Variants in JMJD1C observed in about 807,000 individuals in gnomAD.
JMJD1C encodes jumonji domain-containing protein 1C.
Under a neutral mutation model 245.3 loss-of-function variants are expected in JMJD1C, and 31 were observed. The observed-to-expected ratio is 0.13, with a 90% CI of 0.09 to 0.17. The LOEUF (loss-of-function observed/expected upper bound fraction) is 0.17. Among genes scored for constraint, JMJD1C ranks in the 10% least tolerant of loss-of-function variants. The pLI is 1.00. For synonymous variants in JMJD1C, 1,057 were observed against 1,017.4 expected (o/e 1.04, Z -0.74); for missense variants, 2,691 against 3,000.2 (o/e 0.90, Z 2.41).
At chr10:63,387,628 A>AT (rs1564863555) in intron 1 of JMJD1C, among the ~76,000 whole-genome samples, 10 of 18,596 alleles carry the variant, frequency 5.4e-4, no homozygotes, top group African/African-American at 1.0e-3. Flanking sequence ...AGAAAAAAAA[A>AT]ATTTTTTTTT....
intron 3 of JMJD1C, among the ~76,000 whole-genome samples, chr10:63,258,514 C>G (rs190858398): frequency 6.6e-6 from 1 of 152,162 alleles, no homozygotes; most frequent in Non-Finnish European, 1.5e-5. Context: ...TTCATAAACT[C>G]TCTTCTTTAG....
chr10:63,168,737 T>G (rs1255529941), intron 24 of JMJD1C, among the ~76,000 whole-genome samples, 171 bp from the exon 25 acceptor site: 2 of 152,240 alleles, frequency 1.3e-5, no homozygotes, highest in Non-Finnish European at 2.9e-5. Context: ...GAAAGTTATG[T>G]CACTGAAAAG....
chr10:63,296,814 T>C (rs1266108537), intron 2 of JMJD1C, among the ~76,000 whole-genome samples: 2 of 152,242 alleles, frequency 1.3e-5, no homozygotes, highest in Non-Finnish European at 2.9e-5. Context: ...AGATAGTCTC[T>C]CCTGGTTGAC....
intron 13 of JMJD1C, among the ~76,000 whole-genome samples, chr10:63,195,951 C>T (rs969292468): frequency 1.2e-4 from 18 of 145,342 alleles, no homozygotes; most frequent in African/African-American, 4.1e-4. Flanking sequence ...AAGAATGATA[C>T]GGTAACAAGA....
chr10:63,517,184 G>A (rs901993872), intron 1 of JMJD1C, among the ~76,000 whole-genome samples: 1 of 152,116 alleles, frequency 6.6e-6, no homozygotes, highest in Non-Finnish European at 1.5e-5. Flanking sequence ...AATAATTACA[G>A]CGATCAGACA....
chr10:63,225,651 G>A (rs1179172595), intron 3 of JMJD1C, among the ~76,000 whole-genome samples: 2 of 151,878 alleles, frequency 1.3e-5, no homozygotes, highest in East Asian at 1.9e-4. Flanking sequence ...AGTGACACAC[G>A]CTTGTGAATC....
chr10:63,386,204 T>G (rs923566140), intron 1 of JMJD1C, among the ~76,000 whole-genome samples: 1 of 152,124 alleles, frequency 6.6e-6, no homozygotes, highest in Admixed American at 6.5e-5. Context: ...GTGGGGTAAC[T>G]AGGCATTTTC....
rs758719513 is a variant in JMJD1C, at chr10:63,191,011, C to G, written c.6174G>C (p.Gln2058His). 1 of 1,614,132 alleles carries G rather than the reference C, an allele frequency of 6.2e-7. No individual in the cohort carries two copies. The highest frequency in any genetic ancestry group is 1.7e-5 in the Admixed American group (1 of 60,022). Residue 2058 changes from glutamine to histidine, a missense_variant, in exon 17 of 26, where the codon CAG (glutamine) becomes CAC (histidine). Around this residue, in one of 9 missense-constraint regions of JMJD1C, gnomAD observed 275 missense variants for 285.5 expected, o/e 0.96. Transcript: ENST00000399262. ...PNGRTSPLVSQNNEQGSTLRD... is the reference protein window; with the variant it reads ...PNGRTSPLVSHNNEQGSTLRD... ...GTAAGGTTGAGCCTTGTTCATTATT[C>G]TGGGACACAAGAGGTGATGTTCTGC...
chr10:63,357,822 G>GACACACACACACAC (rs1344672220), intron 2 of JMJD1C, among the ~76,000 whole-genome samples: 1 of 70,758 alleles, frequency 1.4e-5, no homozygotes, highest in East Asian at 5.1e-4. Flanking sequence ...GACACAGACA[G>GACACACACACACAC]ACAGACACAC....
At chr10:63,448,358 T>A (rs771268278) in intron 1 of JMJD1C, among the ~76,000 whole-genome samples, 30 of 152,120 alleles carry the variant, frequency 2.0e-4, no homozygotes, top group Non-Finnish European at 8.8e-5. Context: ...GGTTTCATCA[T>A]GTTGGCCAGG....
Position 63,507,866 on chromosome 10 carries a change from T to A in JMJD1C, n.113+13872A>T, listed in dbSNP as rs1954769594. Reference sequence around the variant, plus strand: ...CACGTGTTTACCTGCCATCTACAAATCTTCTTTGGTGAGGCGTCTGTTAAG... The same window carrying A: ...CACGTGTTTACCTGCCATCTACAAAACTTCTTTGGTGAGGCGTCTGTTAAG... On this transcript the variant is annotated intron_variant and non_coding_transcript_variant, in intron 1 of 3. Coordinates refer to the JMJD1C transcript ENST00000633035. Among the ~76,000 whole-genome samples the A allele has an allele frequency of 2.0e-5, 3 of 152,172 alleles. No homozygotes were observed. The East Asian group carries it at 5.8e-4, about 29-fold the overall frequency.
At chr10:63,370,518 CCA>C (rs1214285249) in intron 2 of JMJD1C, among the ~76,000 whole-genome samples, 1 of 152,150 alleles carries the variant, frequency 6.6e-6, no homozygotes, top group Non-Finnish European at 1.5e-5. Context: ...AAGAAATATG[CCA>C]CAAAGTCTAT....
intron 1 of JMJD1C, among the ~76,000 whole-genome samples, chr10:63,400,573 C>A (rs1165233038): frequency 6.6e-6 from 1 of 152,022 alleles, no homozygotes; most frequent in East Asian, 1.9e-4. Context: ...TGCCTTTCCC[C>A]CGGCCCCGAG....
At chr10:63,420,283 T>C (rs1195816219) in intron 1 of JMJD1C, among the ~76,000 whole-genome samples, 1 of 152,116 alleles carries the variant, frequency 6.6e-6, no homozygotes, top group Non-Finnish European at 1.5e-5. Flanking sequence ...CAACAAAATT[T>C]GTAAGTATTT....
Position 63,215,161 on chromosome 10 carries a change from TAAAG to T in JMJD1C, c.1016-14_1016-11del, listed in dbSNP as rs941978916. ...TTACCTTTAGGATTTTCTGTAGGAT[TAAAG>T]AAAGAAGAGTCTTATTTTTCATACT... is the stretch of plus-strand genomic sequence containing the variant. On this transcript the variant is annotated splice_polypyrimidine_tract_variant and intron_variant, in intron 7 of 25. Coordinates refer to ENST00000399262, the MANE Select transcript of JMJD1C (RefSeq NM_032776.3). The T allele has an allele frequency of 3.3e-6, 5 of 1,525,472 alleles. No homozygotes were observed. The African/African-American group carries it at 7.0e-5, about 21-fold the overall frequency. The allele number at this position is 1,525,472 out of a possible 1,614,324, so 94.5% of individuals were successfully genotyped here.
chr10:63,367,590 T>C (rs1945962309), intron 2 of JMJD1C, among the ~76,000 whole-genome samples: 1 of 152,128 alleles, frequency 6.6e-6, no homozygotes, highest in Non-Finnish European at 1.5e-5. Flanking sequence ...AAGGCAAAAA[T>C]GACTAAGAAA....
upstream of JMJD1C, among the ~76,000 whole-genome samples, chr10:63,467,783 C>A (rs1953359562): frequency 6.6e-6 from 1 of 152,138 alleles, no homozygotes; most frequent in African/African-American, 2.4e-5. Context: ...AGATCAACAT[C>A]CAGATACCAA....
At chr10:63,300,628 A>G (rs72831027) in intron 2 of JMJD1C, among the ~76,000 whole-genome samples, 3,245 of 151,830 alleles carry the variant, frequency 0.021, 54 homozygotes, top group Non-Finnish European at 0.033. Flanking sequence ...GTGGTGGCTC[A>G]CTTCTGAAAT....
chr10:63,346,984 C>T (rs947992676), intron 2 of JMJD1C, among the ~76,000 whole-genome samples: 1 of 151,954 alleles, frequency 6.6e-6, no homozygotes, highest in Non-Finnish European at 1.5e-5. Context: ...TACATATTTT[C>T]ACACCAAAAG....
Sources: allele counts gnomAD v4.1 joint callset (sites outside exome capture counted in the v4.1 genomes callset), GRCh38; gene constraint gnomAD v4.1.1; regional missense constraint gnomAD v4.1.1; transcripts MANE v1.5; gene names NCBI Gene and HGNC (gene_info 2026-07-23, HGNC 2026-07-21).